Variants in IL1RAPL2 observed in about 807,000 individuals in gnomAD.
IL1RAPL2 encodes X-linked interleukin-1 receptor accessory protein-like 2.
In IL1RAPL2, 3 loss-of-function variants were observed where a neutral mutation model predicts 44.1. The observed-to-expected ratio is 0.07, with a 90% CI of 0.03 to 0.18. The LOEUF is 0.18. IL1RAPL2 is among the 10% of genes least tolerant of loss of function. The pLI is 1.00. For missense variants in IL1RAPL2, 391 were observed against 496.4 expected (o/e 0.79, Z 2.02); for synonymous variants, 181 against 178.8 (o/e 1.01, Z -0.10).
At chrX:105,518,971 GA>G (rs1408285481) in intron 6 of IL1RAPL2, among the ~76,000 whole-genome samples, 1 of 111,417 alleles carries the variant, frequency 9.0e-6, no homozygotes, top group African/African-American at 3.3e-5. Flanking sequence ...AAAAGATAAA[GA>G]ATCAACTGTA....
intron 2 of IL1RAPL2, among the ~76,000 whole-genome samples, chrX:104,890,411 C>T (rs1321207393): frequency 9.0e-6 from 1 of 111,728 alleles, no homozygotes; most frequent in Admixed American, 9.5e-5. Context: ...TACAGTCCCA[C>T]CAACAGTGTA....
At chrX:105,282,234 G>T (rs749024694) in intron 5 of IL1RAPL2, among the ~76,000 whole-genome samples, 1 of 112,113 alleles carries the variant, frequency 8.9e-6, no homozygotes, top group South Asian at 3.7e-4. Flanking sequence ...AATGAGTCCG[G>T]AGGACAAGCA....
chrX:105,318,628 A>G lies in IL1RAPL2; in HGVS notation c.697+51087A>G, dbSNP rs1286088803. ...TGTATTGAAAGGACTCTGACTTGGTACAATACTAGAGTCATGGTGGGGAGT... is the reference window on the plus strand; with the variant it reads ...TGTATTGAAAGGACTCTGACTTGGTGCAATACTAGAGTCATGGTGGGGAGT... On this transcript the variant is annotated intron_variant, in intron 5 of 10. Coordinates refer to ENST00000372582, the MANE Select transcript of IL1RAPL2 (RefSeq NM_017416.2). 4.5e-5 allele frequency among the ~76,000 whole-genome samples: 5 copies of G among 111,278 alleles called. No homozygotes were observed. The East Asian group carries it at 1.1e-3, about 26-fold the overall frequency.
intron 5 of IL1RAPL2, among the ~76,000 whole-genome samples, chrX:105,466,964 C>G (rs1276454550): frequency 1.8e-5 from 2 of 110,582 alleles, no homozygotes; most frequent in East Asian, 2.9e-4. Flanking sequence ...CCCACTATCA[C>G]GATAACTAAT....
At chrX:105,686,397 A>C (rs1314973607) in intron 6 of IL1RAPL2, among the ~76,000 whole-genome samples, 3 of 104,972 alleles carry the variant, frequency 2.9e-5, no homozygotes, top group African/African-American at 1.0e-4. Flanking sequence ...AAAAAAAAAA[A>C]AAAAAAAAGC....
chrX:105,151,054 C>G (rs2033222564), intron 2 of IL1RAPL2, among the ~76,000 whole-genome samples: 1 of 111,988 alleles, frequency 8.9e-6, no homozygotes, highest in South Asian at 3.7e-4. Context: ...ATTGTGTCTA[C>G]TTCCCTGTCT....
At chrX:105,617,574 G>C (rs2037386423) in intron 6 of IL1RAPL2, among the ~76,000 whole-genome samples, 1 of 111,229 alleles carries the variant, frequency 9.0e-6, no homozygotes, top group Non-Finnish European at 1.9e-5. Context: ...TTACTTTCCT[G>C]ACCTTGTCAT....
At chrX:104,813,941 C>T (rs1483319788) in intron 2 of IL1RAPL2, among the ~76,000 whole-genome samples, 2 of 111,759 alleles carry the variant, frequency 1.8e-5, no homozygotes, top group African/African-American at 3.3e-5. Flanking sequence ...TTTTGAAGGT[C>T]GGTGGATGTC....
In IL1RAPL2 at chrX:104,976,272, A is replaced by G. The variant is rs1040052765; in HGVS notation, c.83-219203A>G. Among the ~76,000 whole-genome samples, 3 of 111,316 alleles carry G rather than the reference A, an allele frequency of 2.7e-5. No individual in the cohort carries two copies. The Admixed American group carries it at 2.9e-4, about 11-fold the overall frequency. ...CTCATCATTGTCTCCATGACTAATA[A>G]GAATATTTATTGGACATAGGACTTT... On this transcript the variant is annotated intron_variant, in intron 2 of 10. Coordinates refer to ENST00000372582, the MANE Select transcript of IL1RAPL2 (RefSeq NM_017416.2).
intron 2 of IL1RAPL2, among the ~76,000 whole-genome samples, chrX:105,011,190 T>C (rs1351070313): frequency 4.5e-5 from 5 of 111,158 alleles, no homozygotes; most frequent in Non-Finnish European, 9.5e-5. Context: ...ATTATATAAA[T>C]ATATTATCAA....
chrX:104,690,619 A>G (rs1931075051), intron 2 of IL1RAPL2, among the ~76,000 whole-genome samples: 1 of 112,149 alleles, frequency 8.9e-6, no homozygotes. Flanking sequence ...GAGTTTTAAT[A>G]AAATCGTACT....
At chrX:105,036,470 C>CAT (rs763162831) in intron 2 of IL1RAPL2, among the ~76,000 whole-genome samples, 11 of 112,066 alleles carry the variant, frequency 9.8e-5, no homozygotes, top group African/African-American at 3.2e-4. Flanking sequence ...CAGACACTTA[C>CAT]ATATATACAG....
chrX:104,583,527 G>A lies in IL1RAPL2; in HGVS notation c.-20+16476G>A, dbSNP rs759310855. ...TGGCATTTTGCATCTAGCTCCCTTCGCTCTGGCATGATGTTTTCAAAGTGC... is the reference window on the plus strand; with the variant it reads ...TGGCATTTTGCATCTAGCTCCCTTCACTCTGGCATGATGTTTTCAAAGTGC... On this transcript the variant is annotated intron_variant, in intron 1 of 10. Coordinates refer to ENST00000372582, the MANE Select transcript of IL1RAPL2 (RefSeq NM_017416.2). Among the ~76,000 whole-genome samples the A allele has an allele frequency of 7.2e-5, 8 of 111,845 alleles. No individual in the cohort carries two copies. In the East Asian group the frequency reaches 1.1e-3, roughly 16 times the overall value.
intron 2 of IL1RAPL2, among the ~76,000 whole-genome samples, chrX:104,808,167 C>A (rs970975782): frequency 8.9e-6 from 1 of 112,351 alleles, no homozygotes; most frequent in Non-Finnish European, 1.9e-5. Flanking sequence ...TAGGAAAAAT[C>A]ATTCCTGAAA....
intron 2 of IL1RAPL2, among the ~76,000 whole-genome samples, chrX:104,943,125 G>A (rs1023523243): frequency 3.6e-5 from 4 of 111,328 alleles, no homozygotes; most frequent in Admixed American, 2.9e-4. Context: ...TTTCATCGAT[G>A]TTCATCAGGG....
At chrX:105,747,584 A>G (rs1227523806) in intron 8 of IL1RAPL2, among the ~76,000 whole-genome samples, 1 of 104,336 alleles carries the variant, frequency 9.6e-6, no homozygotes, top group Non-Finnish European at 2.0e-5. Flanking sequence ...ACATATATAT[A>G]TATTCTTTTT....
chrX:105,286,607 CT>C (rs34962051), intron 5 of IL1RAPL2, among the ~76,000 whole-genome samples: 137 of 103,563 alleles, frequency 1.3e-3, no homozygotes, highest in East Asian at 4.5e-3. Context: ...ACAAAACAGC[CT>C]TTTTTTTTTT....
intron 6 of IL1RAPL2, among the ~76,000 whole-genome samples, chrX:105,625,452 T>C (rs918720011): frequency 8.9e-6 from 1 of 112,221 alleles, no homozygotes; most frequent in Admixed American, 9.4e-5. Flanking sequence ...GTGGATGTGG[T>C]CACAACAACT....
rs1444347477 is a variant in IL1RAPL2 at position 105,717,514 on chromosome X, C to CT, written c.902+20dup. On this transcript the variant is annotated intron_variant, in intron 7 of 10. Transcript: ENST00000372582. ...GAAATAAGGTAGAGAGCTTGAATTG[C>CT]TTATCTTTCTTTGCTGTCTTACGGG... 5 of 1,174,971 alleles carry CT rather than the reference C, an allele frequency of 4.3e-6. 1 individual carries two copies. Among genetic ancestry groups the CT allele is most frequent in the Non-Finnish European group, 5.7e-6 (5 of 874,233 alleles).
Sources: allele counts gnomAD v4.1 joint callset (sites outside exome capture counted in the v4.1 genomes callset), GRCh38; gene constraint gnomAD v4.1.1; transcripts MANE v1.5; gene names NCBI Gene and HGNC (gene_info 2026-07-23, HGNC 2026-07-21).